Variants in ATRNL1 observed in about 807,000 individuals in gnomAD.
ATRNL1 encodes the protein attractin-like protein 1.
ATRNL1 carries 95 observed loss-of-function variants against 182.7 expected under a neutral mutation model. The ratio of observed to expected loss-of-function variants is 0.52; its 90% CI spans 0.44 to 0.62. The LOEUF is 0.62. Among genes scored for constraint, ATRNL1 ranks in the 20% least tolerant of loss-of-function variants. ATRNL1 has a pLI of 0.00. For missense variants in ATRNL1, 1,471 were observed against 1,679.5 expected (o/e 0.88, Z 2.17); for synonymous variants, 576 against 568.3 (o/e 1.01, Z -0.19).
intron 28 of ATRNL1, among the ~76,000 whole-genome samples, chr10:115,863,591 A>G (rs1951366316): frequency 6.6e-6 from 1 of 152,192 alleles, no homozygotes; most frequent in Non-Finnish European, 1.5e-5. Flanking sequence ...TTGGAATTAG[A>G]GGGATCAGTA....
At chr10:115,817,811 G>A (rs1460559276) in intron 27 of ATRNL1, among the ~76,000 whole-genome samples, 2 of 143,056 alleles carry the variant, frequency 1.4e-5, no homozygotes, top group African/African-American at 2.6e-5. Flanking sequence ...TATTTTAATT[G>A]AGCCTATGAC....
In ATRNL1 at chr10:115,758,732, G is replaced by A. The variant is rs556760574; in HGVS notation, c.3903+31377G>A. The stretch of plus-strand genomic sequence containing the variant: ...AATCACTGAAGCTGTGCCCACAGCC[G>A]CCCCTTCCCCCAGGTGCTTTGTCCC... On this transcript the variant is annotated intron_variant, in intron 27 of 28. Coordinates refer to ENST00000355044, the MANE Select transcript of ATRNL1 (RefSeq NM_207303.4). Among the ~76,000 whole-genome samples the A allele has an allele frequency of 3.9e-5, 6 of 152,312 alleles. No individual in the cohort carries two copies. In the South Asian group the frequency reaches 6.2e-4, roughly 16 times the overall value.
At chr10:115,391,610 C>T (rs1274342467) in intron 19 of ATRNL1, among the ~76,000 whole-genome samples, 2 of 140,376 alleles carry the variant, frequency 1.4e-5, no homozygotes, top group African/African-American at 5.8e-5. Flanking sequence ...CTTTTCTACA[C>T]TATTCAATGC....
chr10:115,929,947 G>A (rs566888659), intron 28 of ATRNL1, among the ~76,000 whole-genome samples: 1 of 152,182 alleles, frequency 6.6e-6, no homozygotes, highest in South Asian at 2.1e-4. Context: ...TGTGAAAGAA[G>A]CACCATTTGA....
At chr10:115,720,422 G>A (rs1947386741) in intron 26 of ATRNL1, among the ~76,000 whole-genome samples, 1 of 150,234 alleles carries the variant, frequency 6.7e-6, no homozygotes, top group South Asian at 2.1e-4. Flanking sequence ...TGCTTAAAAG[G>A]ACCATACTTG....
intron 27 of ATRNL1, among the ~76,000 whole-genome samples, chr10:115,737,526 G>A (rs782649684): frequency 2.0e-5 from 3 of 151,962 alleles, no homozygotes; most frequent in Non-Finnish European, 2.9e-5. Context: ...TGTCTCCTCT[G>A]GCAACTCTAT....
intron 15 of ATRNL1, among the ~76,000 whole-genome samples, chr10:115,292,635 A>G (rs1007076214): frequency 2.0e-5 from 3 of 152,010 alleles, no homozygotes; most frequent in East Asian, 3.8e-4. Context: ...GTTGAGGACT[A>G]TATTGTTTAA....
chr10:115,430,748 T>A lies in ATRNL1; in HGVS notation c.3322+4446T>A, dbSNP rs539729505. Among the ~76,000 whole-genome samples, 6 of 152,194 alleles carry A rather than the reference T, an allele frequency of 3.9e-5. No homozygotes were observed. The South Asian group carries it at 1.2e-3, about 31-fold the overall frequency. On this transcript the variant is annotated intron_variant, in intron 21 of 28. Coordinates refer to ENST00000355044, the MANE Select transcript of ATRNL1 (RefSeq NM_207303.4). ...ATCCCAAATTTTGTTAAGGTATTTTTGCCCTTTATGACACATTTGATAGGG... is the reference window on the plus strand; with the variant it reads ...ATCCCAAATTTTGTTAAGGTATTTTAGCCCTTTATGACACATTTGATAGGG...
At chr10:115,540,660 T>G (rs1321348220) in intron 25 of ATRNL1, among the ~76,000 whole-genome samples, 1 of 151,208 alleles carries the variant, frequency 6.6e-6, no homozygotes, top group African/African-American at 2.4e-5. Context: ...CTTGGGAGGC[T>G]GAGGCAGAAT....
At chr10:115,635,251 C>A (rs1445415890) in intron 26 of ATRNL1, among the ~76,000 whole-genome samples, 1 of 148,700 alleles carries the variant, frequency 6.7e-6, no homozygotes, top group Non-Finnish European at 1.5e-5. Context: ...ATCTCATATT[C>A]AGAATACATA....
At chr10:115,100,265 T>C (rs1554864262) in intron 1 of ATRNL1, among the ~76,000 whole-genome samples, 1 of 151,600 alleles carries the variant, frequency 6.6e-6, no homozygotes, top group Non-Finnish European at 1.5e-5. Context: ...GTCACTGTAC[T>C]CCATCCTGGG....
intron 25 of ATRNL1, among the ~76,000 whole-genome samples, chr10:115,530,329 A>C (rs1167767634): frequency 2.0e-5 from 3 of 152,168 alleles, no homozygotes; most frequent in African/African-American, 7.2e-5. Flanking sequence ...GTATCATTTT[A>C]TAATCTTACC....
chr10:115,562,378 G>A (rs1016096545), intron 26 of ATRNL1, among the ~76,000 whole-genome samples: 8 of 152,094 alleles, frequency 5.3e-5, no homozygotes, highest in Non-Finnish European at 8.8e-5. Flanking sequence ...TGATGAAAAT[G>A]TTTTAAAATT....
chr10:115,364,772 G>T (rs1256476047), intron 19 of ATRNL1, among the ~76,000 whole-genome samples: 4 of 151,872 alleles, frequency 2.6e-5, no homozygotes, highest in Non-Finnish European at 4.4e-5. Flanking sequence ...CATCTATTGA[G>T]ATAATAATGT....
chr10:115,505,643 A>G (rs189053729), intron 24 of ATRNL1, among the ~76,000 whole-genome samples: 1 of 152,162 alleles, frequency 6.6e-6, no homozygotes, highest in African/African-American at 2.4e-5. Context: ...GAGAGAGTAG[A>G]TGTAAATGGA....
chr10:115,179,469 A>G (rs982769888), intron 8 of ATRNL1, among the ~76,000 whole-genome samples: 15 of 152,130 alleles, frequency 9.9e-5, no homozygotes, highest in African/African-American at 3.6e-4. Flanking sequence ...TTTAAGGCCA[A>G]GGGGTGGTAA....
intron 17 of ATRNL1, among the ~76,000 whole-genome samples, chr10:115,308,985 A>G (rs1413346914): frequency 1.1e-4 from 17 of 152,210 alleles, no homozygotes; most frequent in African/African-American, 3.8e-4. Context: ...TGATCCAGCT[A>G]TCCCAGCACC....
At chr10:115,243,913 T>C (rs965722685) in intron 10 of ATRNL1, among the ~76,000 whole-genome samples, 4 of 152,138 alleles carry the variant, frequency 2.6e-5, no homozygotes. Context: ...TTCTCAAAAA[T>C]GTTCTCTAAA....
chr10:115,671,465 G>A (rs1465867608), intron 26 of ATRNL1, among the ~76,000 whole-genome samples: 2 of 152,032 alleles, frequency 1.3e-5, no homozygotes, highest in Non-Finnish European at 2.9e-5. Context: ...CATTTATTGC[G>A]CTACACATTT....
Sources: allele counts gnomAD v4.1 joint callset (sites outside exome capture counted in the v4.1 genomes callset), GRCh38; gene constraint gnomAD v4.1.1; transcripts MANE v1.5; gene names NCBI Gene and HGNC (gene_info 2026-07-23, HGNC 2026-07-21).